The following OR6F1 variants were observed in gnomAD, a reference collection of about 807,000 sequenced individuals.
OR6F1 encodes the protein olfactory receptor family 6 subfamily F member 1.
For missense variants in OR6F1, 346 were observed against 376.0 expected, an observed-to-expected ratio of 0.92 and a Z score of 0.66; for synonymous variants, 144 against 150.0, an observed-to-expected ratio of 0.96 and a Z score of 0.29.
chr1:247,714,053 C>A, intron 1 of OR6F1, 99 bp from the exon 2 acceptor site: 1 of 398,078 alleles, frequency 2.5e-6, no homozygotes, highest in Non-Finnish European at 4.4e-6. Flanking sequence ...CTGGCCAGGA[C>A]CATACACTGA....
rs2103190827 is a variant in OR6F1, at chr1:247,713,897, G to A, written c.-69C>T. 1 of 398,588 alleles carries A rather than the reference G, an allele frequency of 2.5e-6. No homozygotes were observed. Among genetic ancestry groups the A allele is most frequent in the South Asian group, 1.3e-4 (1 of 7,858 alleles). 24.7% of individuals were successfully genotyped at this position (398,588 alleles called of 1,614,324 possible). ...GTGCATACATTGGCTTTACCTCATT[G>A]ATGGCAGAAGGGGCTTCCAAGCAGT... On this transcript the variant is annotated 5_prime_UTR_variant, in exon 2 of 3. Transcript: ENST00000641470.
chr1:247,716,080 C>T (rs1281078429), intron 1 of OR6F1, among the ~76,000 whole-genome samples: 1 of 151,936 alleles, frequency 6.6e-6, no homozygotes, highest in Non-Finnish European at 1.5e-5. Context: ...TGGTGAAACC[C>T]CCTCTCTACT....
At position 247,711,843 on chromosome 1, in the gene OR6F1, A is replaced by G. The variant is rs768855778; in HGVS notation, c.913T>C (p.Trp305Arg). The G allele has an allele frequency of 5.0e-6, 8 of 1,609,860 alleles. No individual in the cohort carries two copies. Among genetic ancestry groups the G allele is most frequent in the Non-Finnish European group, 6.8e-6 (8 of 1,176,450 alleles). Reference sequence around the variant, plus strand: ...GTAGAGGAGATTTATTTTCCCTTCCATTTCTTCAGCAGAGTCTCTCTTACT... The same window carrying G: ...GTAGAGGAGATTTATTTTCCCTTCCGTTTCTTCAGCAGAGTCTCTCTTACT... ...KEVRETLLKK[W>R]KGK Residue 305 changes from tryptophan to arginine, a missense_variant, in exon 3 of 3, where the codon TGG becomes CGG. Coordinates refer to ENST00000641470, the MANE Select transcript of OR6F1 (RefSeq NM_001005286.2).
chr1:247,712,457 T>G lies in OR6F1; in HGVS notation c.299A>C (p.Gln100Pro), dbSNP rs756369603. 3 of 1,614,200 alleles carry G rather than the reference T, an allele frequency of 1.9e-6. No individual in the cohort carries two copies. The highest frequency in any genetic ancestry group is 2.5e-6 in the Non-Finnish European group (3 of 1,180,010). Reference sequence around the variant, plus strand: ...GCCTAATGAGAAAACAAAGTACATCTGCAAAAGACAGCTTGTAAATGATAT... The same window carrying G: ...GCCTAATGAGAAAACAAAGTACATCGGCAAAAGACAGCTTGTAAATGATAT... ...QTISFTSCLL[Q>P]MYFVFSLGCT... The change falls in exon 3 of 3, where the codon CAG becomes CCG. Residue 100 changes from glutamine (Q) to proline (P), a missense_variant. Transcript: ENST00000641470.
chr1:247,713,723 A>G (rs1660053856), intron 2 of OR6F1, among the ~76,000 whole-genome samples, 168 bp downstream of exon 2: 1 of 152,170 alleles, frequency 6.6e-6, no homozygotes, highest in South Asian at 2.1e-4. Context: ...ATTCCCTTAT[A>G]AATAGAAATG....
At chr1:247,715,512 G>A (rs1173288947) in intron 1 of OR6F1, among the ~76,000 whole-genome samples, 1 of 152,116 alleles carries the variant, frequency 6.6e-6, no homozygotes, top group African/African-American at 2.4e-5. Flanking sequence ...TTTACGTGAA[G>A]CACATGATGA....
In OR6F1 at chr1:247,712,446, C is replaced by T. The variant is rs375885263; in HGVS notation, c.310G>A (p.Val104Ile). The T allele has an allele frequency of 6.2e-7, 1 of 1,614,046 alleles. No homozygotes were observed. Among genetic ancestry groups the T allele is most frequent in the African/African-American group, 1.3e-5 (1 of 74,948 alleles). The change falls in exon 3 of 3, where the codon GTT (valine) becomes ATT (isoleucine). Residue 104 changes from valine (V) to isoleucine (I), a missense_variant. Coordinates refer to ENST00000641470, the MANE Select transcript of OR6F1 (RefSeq NM_001005286.2). ...TACTCTGTGCAGCCTAATGAGAAAA[C>T]AAAGTACATCTGCAAAAGACAGCTT... ...FTSCLLQMYF[V>I]FSLGCTEYFL...
At chr1:247,713,167 C>T (rs1660041936) in intron 2 of OR6F1, among the ~76,000 whole-genome samples, 1 of 152,198 alleles carries the variant, frequency 6.6e-6, no homozygotes, top group Non-Finnish European at 1.5e-5. Context: ...TACATTTTAA[C>T]TAGACTCTGC....
chr1:247,712,786 C>G lies in OR6F1; in HGVS notation c.-31G>C, dbSNP rs748087397. On this transcript the variant is annotated 5_prime_UTR_variant, in exon 3 of 3. Transcript: ENST00000641470. ...TACTGAAACCAGAAAACAGAGTCCC[C>G]GCACTGAGCCCTTTAACCCAATCAC... The G allele has an allele frequency of 3.8e-6, 5 of 1,311,384 alleles. No individual in the cohort carries two copies. In the African/African-American group the frequency reaches 4.4e-5, roughly 11 times the overall value. The allele number at this position is 1,311,384 out of a possible 1,614,324, so 81.2% of individuals were successfully genotyped here.
chr1:247,714,260 C>G (rs1660064911), intron 1 of OR6F1, among the ~76,000 whole-genome samples: 1 of 152,140 alleles, frequency 6.6e-6, no homozygotes, highest in Admixed American at 6.5e-5. Context: ...CGCCCCCTTT[C>G]TACCAGGAAG....
Position 247,712,313 on chromosome 1 carries a change from G to A in OR6F1, c.443C>T (p.Ser148Phe), listed in dbSNP as rs749072564. The A allele has an allele frequency of 1.2e-6, 2 of 1,614,184 alleles. No homozygotes were observed. Among genetic ancestry groups the A allele is most frequent in the Non-Finnish European group, 1.7e-6 (2 of 1,179,992 alleles). The change falls in exon 3 of 3, where the codon TCC (serine) becomes TTC (phenylalanine). Residue 148 changes from serine (S) to phenylalanine (F), a missense_variant. Transcript: ENST00000641470. ...AATGGCCACGAAACCACACACCCAG[G>A]AGCCCAGGGCCAGCTGCGCTGAGAG... The part of the protein sequence containing the change: ...SLLSAQLALG[S>F]WVCGFVAIAV...
At chr1:247,713,526 C>G (rs1033622300) in intron 2 of OR6F1, among the ~76,000 whole-genome samples, 17 of 152,150 alleles carry the variant, frequency 1.1e-4, no homozygotes, top group African/African-American at 4.1e-4. Context: ...GGCAAAAAAT[C>G]ATTGTGAAAC....
At chr1:247,714,548 G>A (rs1234509564) in intron 1 of OR6F1, among the ~76,000 whole-genome samples, 1 of 152,168 alleles carries the variant, frequency 6.6e-6, no homozygotes, top group African/African-American at 2.4e-5. Context: ...GTGTGTATGT[G>A]CAACGCACTT....
intron 2 of OR6F1, 68 bp from the exon 3 acceptor site, chr1:247,712,885 A>G: frequency 3.4e-6 from 2 of 581,298 alleles, no homozygotes; most frequent in South Asian, 2.5e-5. Flanking sequence ...TGGAGATATG[A>G]TGTAACTTTC....
At chr1:247,716,024 G>A (rs1435882849) in intron 1 of OR6F1, among the ~76,000 whole-genome samples, 2 of 152,054 alleles carry the variant, frequency 1.3e-5, no homozygotes, top group Non-Finnish European at 2.9e-5. Context: ...AGGTCAGGGC[G>A]GGGGGATCAC....
chr1:247,714,706 C>T (rs1558302995), intron 1 of OR6F1, among the ~76,000 whole-genome samples: 1 of 151,988 alleles, frequency 6.6e-6, no homozygotes, highest in East Asian at 1.9e-4. Flanking sequence ...GAATTCATTA[C>T]CCTAATACAG....
intron 2 of OR6F1, 57 bp from the exon 3 acceptor site, chr1:247,712,874 T>C (rs1428275006): frequency 1.7e-6 from 1 of 599,108 alleles, no homozygotes; most frequent in East Asian, 2.7e-5. Context: ...AATGTAATTA[T>C]TGGAGATATG....
intron 1 of OR6F1, among the ~76,000 whole-genome samples, chr1:247,715,714 A>T (rs1421161870): frequency 6.6e-6 from 1 of 152,228 alleles, no homozygotes; most frequent in Non-Finnish European, 1.5e-5. Flanking sequence ...TAACTAACAG[A>T]TTAATCTTTC....
chr1:247,711,726 C>A lies in OR6F1; in HGVS notation c.*103G>T. 1 of 725,784 alleles carries A rather than the reference C, an allele frequency of 1.4e-6. No homozygotes were observed. The highest frequency in any genetic ancestry group is 1.8e-5 in the South Asian group (1 of 55,590). 45.0% of individuals were successfully genotyped at this position (725,784 alleles called of 1,614,324 possible). On this transcript the variant is annotated 3_prime_UTR_variant, in exon 3 of 3. Coordinates refer to ENST00000641470, the MANE Select transcript of OR6F1 (RefSeq NM_001005286.2). ...CTTGTTTTGTTTGTTTGTTTTTTCTCTGTGTACCAAGAAAGATTTGCCCTA... is the reference window on the plus strand; with the variant it reads ...CTTGTTTTGTTTGTTTGTTTTTTCTATGTGTACCAAGAAAGATTTGCCCTA...
Sources: gnomAD v4.1 joint callset for allele counts (sites outside exome capture counted in the v4.1 genomes callset) on GRCh38, gnomAD v4.1.1 for gene constraint, MANE v1.5 for transcripts, NCBI Gene and HGNC (gene_info 2026-07-23, HGNC 2026-07-21) for gene names.